The following GPC5 variants were observed in gnomAD, a reference collection of about 807,000 sequenced individuals.
The protein encoded by GPC5 is glypican 5.
A neutral mutation model predicts 53.9 loss-of-function variants in GPC5; 47 were observed. That is an observed-to-expected ratio of 0.87 (90% confidence interval 0.69 to 1.11). The LOEUF (loss-of-function observed/expected upper bound fraction) is 1.11. Among genes scored for constraint, GPC5 ranks in the 50% most tolerant of loss-of-function variants. The pLI, the probability that GPC5 is intolerant of heterozygous loss-of-function variation, is 0.00. For missense variants in GPC5, 748 were observed against 713.1 expected (o/e 1.05, Z -0.56); for synonymous variants, 286 against 263.3 (o/e 1.09, Z -0.84).
chr13:91,445,258 A>T (rs1189671920), intron 1 of GPC5, among the ~76,000 whole-genome samples: 1 of 152,200 alleles, frequency 6.6e-6, no homozygotes, highest in African/African-American at 2.4e-5. Flanking sequence ...ATTTTGAAGT[A>T]AAATAAAGGT....
intron 6 of GPC5, among the ~76,000 whole-genome samples, chr13:91,926,233 C>A (rs1258749069): frequency 2.6e-5 from 4 of 151,768 alleles, no homozygotes; most frequent in Non-Finnish European, 5.9e-5. Flanking sequence ...TGGTGGCATG[C>A]ACCTGTAGTC....
At position 92,215,105 on chromosome 13, in the gene GPC5, A is replaced by G. The variant is rs374738732; in HGVS notation, c.1561+70116A>G. Among the ~76,000 whole-genome samples, 37 of 152,324 alleles carry G rather than the reference A, an allele frequency of 2.4e-4. No individual in the cohort carries two copies. The East Asian group carries it at 6.8e-3, about 28-fold the overall frequency. On this transcript the variant is annotated intron_variant, in intron 7 of 7. Coordinates refer to ENST00000377067, the MANE Select transcript of GPC5 (RefSeq NM_004466.6). Reference sequence around the variant, plus strand: ...AAGCCACTAAGTTTTTGAAACCCTAAAAGGGAGATTTAACTGAGTAACAAA... The same window carrying G: ...AAGCCACTAAGTTTTTGAAACCCTAGAAGGGAGATTTAACTGAGTAACAAA...
At chr13:92,190,769 A>G (rs901913082) in intron 7 of GPC5, among the ~76,000 whole-genome samples, 4 of 152,166 alleles carry the variant, frequency 2.6e-5, no homozygotes, top group African/African-American at 9.6e-5. Flanking sequence ...CATATGCTCA[A>G]TTAAAACCAC....
chr13:92,271,311 A>T (rs974213055), intron 7 of GPC5, among the ~76,000 whole-genome samples: 1 of 152,242 alleles, frequency 6.6e-6, no homozygotes, highest in East Asian at 1.9e-4. Context: ...GTGTAGAAGG[A>T]GAACTACCTG....
intron 7 of GPC5, among the ~76,000 whole-genome samples, chr13:92,749,529 G>T (rs1394893424): frequency 2.0e-5 from 3 of 152,064 alleles, no homozygotes; most frequent in Non-Finnish European, 2.9e-5. Context: ...GGAATTAAAT[G>T]AATATATCAT....
intron 2 of GPC5, among the ~76,000 whole-genome samples, chr13:91,621,439 A>G (rs1348485135): frequency 6.6e-6 from 1 of 152,002 alleles, no homozygotes; most frequent in Non-Finnish European, 1.5e-5. Context: ...TGTTTCGGTG[A>G]CAGGTAGACA....
chr13:91,664,078 T>C (rs1406090884), intron 2 of GPC5, among the ~76,000 whole-genome samples: 1 of 152,226 alleles, frequency 6.6e-6, no homozygotes, highest in Admixed American at 6.5e-5. Context: ...TAATGAAAGA[T>C]ACTTTAGTTT....
At chr13:92,289,560 A>T (rs1197505758) in intron 7 of GPC5, among the ~76,000 whole-genome samples, 1 of 151,972 alleles carries the variant, frequency 6.6e-6, no homozygotes, top group Non-Finnish European at 1.5e-5. Flanking sequence ...ATATACTGCA[A>T]TATGTTTATG....
At chr13:92,236,833 T>C (rs1472052732) in intron 7 of GPC5, among the ~76,000 whole-genome samples, 1 of 139,062 alleles carries the variant, frequency 7.2e-6, no homozygotes, top group Admixed American at 7.6e-5. Context: ...CAGGGTTCTA[T>C]ATATTTATCA....
intron 7 of GPC5, among the ~76,000 whole-genome samples, chr13:92,239,300 T>G: frequency 6.6e-6 from 1 of 151,994 alleles, no homozygotes; most frequent in East Asian, 1.9e-4. Flanking sequence ...TAGGAGAGTT[T>G]TGCCATCTTA....
chr13:91,422,143 A>G (rs1878682754), intron 1 of GPC5, among the ~76,000 whole-genome samples: 1 of 152,256 alleles, frequency 6.6e-6, no homozygotes, highest in East Asian at 1.9e-4. Flanking sequence ...AGCTGACAAT[A>G]GAAAACCTAC....
chr13:92,079,663 TC>T (rs1166351366), intron 6 of GPC5, among the ~76,000 whole-genome samples: 2 of 152,228 alleles, frequency 1.3e-5, no homozygotes, highest in African/African-American at 4.8e-5. Flanking sequence ...ATATAAATTC[TC>T]CCAGGTAATC....
At chr13:92,803,714 A>G (rs1278717009) in intron 7 of GPC5, among the ~76,000 whole-genome samples, 2 of 151,904 alleles carry the variant, frequency 1.3e-5, no homozygotes, top group Non-Finnish European at 2.9e-5. Context: ...CTTTCATCTG[A>G]AAAGAGTGCC....
At chr13:92,203,417 C>T (rs2042309038) in intron 7 of GPC5, among the ~76,000 whole-genome samples, 1 of 132,980 alleles carries the variant, frequency 7.5e-6, no homozygotes. Flanking sequence ...TATTCTCACT[C>T]ATAGGTGGGA....
chr13:91,559,617 C>G (rs929492352), intron 2 of GPC5, among the ~76,000 whole-genome samples: 3 of 152,088 alleles, frequency 2.0e-5, no homozygotes, highest in Non-Finnish European at 4.4e-5. Context: ...TATACTTGGA[C>G]CCACATGAAA....
At chr13:92,061,308 T>C (rs1372005227) in intron 6 of GPC5, among the ~76,000 whole-genome samples, 1 of 152,006 alleles carries the variant, frequency 6.6e-6, no homozygotes, top group African/African-American at 2.4e-5. Flanking sequence ...GTGCAATAAA[T>C]CAGTTTTGAA....
intron 2 of GPC5, among the ~76,000 whole-genome samples, chr13:91,514,215 A>C (rs1294175862): frequency 1.3e-5 from 2 of 152,182 alleles, no homozygotes; most frequent in Non-Finnish European, 2.9e-5. Context: ...TTTTATAAGA[A>C]ATTACAAATT....
At chr13:92,301,475 G>A (rs16947286) in intron 7 of GPC5, among the ~76,000 whole-genome samples, 9,454 of 152,196 alleles carry the variant, frequency 0.062, 332 homozygotes, top group East Asian at 0.098. Context: ...GCAAAATACC[G>A]ACTCTTCATT....
chr13:92,469,969 T>C (rs1468723258), intron 7 of GPC5, among the ~76,000 whole-genome samples: 3 of 152,164 alleles, frequency 2.0e-5, no homozygotes, highest in African/African-American at 7.2e-5. Context: ...TTAATAGTTA[T>C]AGTCTGGTGA....
Sources: gnomAD v4.1 joint callset for allele counts (sites outside exome capture counted in the v4.1 genomes callset) on GRCh38, gnomAD v4.1.1 for gene constraint, MANE v1.5 for transcripts, NCBI Gene and HGNC (gene_info 2026-07-23, HGNC 2026-07-21) for gene names.